Variants in RNF213 observed in about 807,000 individuals in gnomAD.
RNF213 encodes ring finger protein 213.
Under a neutral mutation model 514.4 loss-of-function variants are expected in RNF213, and 341 were observed. The observed-to-expected ratio is 0.66, with a 90% CI of 0.61 to 0.73. RNF213 has a LOEUF of 0.73. Ranked by LOEUF, RNF213 falls within the 30% of genes least tolerant of loss-of-function variation. The pLI, the probability that RNF213 is intolerant of heterozygous loss-of-function variation, is 0.00. For synonymous variants in RNF213, 2,655 were observed against 2,658.2 expected (o/e 1.00, Z 0.04); for missense variants, 5,767 against 6,615.6 (o/e 0.87, Z 4.45).
intron 36 of RNF213, among the ~76,000 whole-genome samples, chr17:80,356,956 G>A (rs62076528): frequency 0.49 from 72,473 of 147,214 alleles, 18,809 homozygotes; most frequent in Non-Finnish European, 0.59. Flanking sequence ...TCTCACTCTC[G>A]TCCCCCATGC....
Position 80,288,411 on chromosome 17 carries a change from C to G in RNF213, c.810+48C>G, listed in dbSNP as rs780664549. 1.6e-4 allele frequency: 259 copies of G among 1,604,606 alleles called. No homozygotes were observed. Among genetic ancestry groups the G allele is most frequent in the Non-Finnish European group, 2.0e-4 (238 of 1,176,264 alleles). On this transcript the variant is annotated intron_variant, in intron 4 of 67. Coordinates refer to ENST00000582970, the MANE Select transcript of RNF213 (RefSeq NM_001256071.3). This position sits in a 1 kb window ranked among gnomAD's most constrained non-coding sequence, Gnocchi z 4.9. ...CCTGGGAGTGGCACTGAGCCCTCGG[C>G]ACCTGGGCTCTGCTGCAAGGTGCTG...
At chr17:80,362,797 G>A (rs1016533108) in intron 39 of RNF213, among the ~76,000 whole-genome samples, 1 of 152,184 alleles carries the variant, frequency 6.6e-6, no homozygotes, top group African/African-American at 2.4e-5. Flanking sequence ...TACAGGATGG[G>A]CAAATTAAAG....
Position 80,371,884 on chromosome 17 carries a change from G to A in RNF213, c.12436G>A (p.Val4146Ile). The A allele has an allele frequency of 6.7e-7, 1 of 1,483,848 alleles. No individual in the cohort carries two copies. Among genetic ancestry groups the A allele is most frequent in the Non-Finnish European group, 9.4e-7 (1 of 1,061,536 alleles). 91.9% of individuals were successfully genotyped at this position (1,483,848 alleles called of 1,614,324 possible). Residue 4146 changes from valine (V) to isoleucine (I), a missense_variant, in exon 47 of 68, where the codon GTA (valine) becomes ATA (isoleucine). Val to Ile is a conservative substitution (Grantham distance 29). Coordinates refer to ENST00000582970, the MANE Select transcript of RNF213 (RefSeq NM_001256071.3). ...TTTCTCTTTCTGCAGCTTTCATGAT[G>A]TAAAAGATTATATTCAGGAATATTT... ...KLLLKYSFHDVKDYIQEYLTL... is the reference protein window; with the variant it reads ...KLLLKYSFHDIKDYIQEYLTL...
intron 37 of RNF213, 131 bp from the exon 38 acceptor site, chr17:80,359,930 G>A (rs534028828): frequency 1.6e-5 from 13 of 834,278 alleles, no homozygotes; most frequent in East Asian, 7.7e-5. Flanking sequence ...ACAGATCAGC[G>A]CCGTCTGCCT....
chr17:80,389,281 A>C lies in RNF213; in HGVS notation c.15109A>C (p.Thr5037Pro). The change falls in exon 65 of 68, where the codon ACA (threonine) becomes CCA (proline). Residue 5037 changes from threonine to proline, a missense_variant. Thr to Pro is a conservative substitution (Grantham distance 38). Coordinates refer to ENST00000582970, the MANE Select transcript of RNF213 (RefSeq NM_001256071.3). ...VVEVTLGFLS[T>P]AGGDPNMQLN... ...AGAAGTCACTCTGGGGTTTCTGAGC[A>C]CAGCTGGTGGGGATCCAAACATGCA... 6.2e-7 allele frequency: 1 copy of C among 1,614,230 alleles called. No homozygotes were observed. Among genetic ancestry groups the C allele is most frequent in the Non-Finnish European group, 8.5e-7 (1 of 1,180,038 alleles).
chr17:80,343,104 A>C lies in RNF213; in HGVS notation c.5990-28A>C. On this transcript the variant is annotated intron_variant, in intron 26 of 67. Coordinates refer to ENST00000582970, the MANE Select transcript of RNF213 (RefSeq NM_001256071.3). This position sits in a 1 kb window ranked among gnomAD's most constrained non-coding sequence, Gnocchi z 4.3. ...ATTACAGGTGTGAGCCACCACTCCC[A>C]GCCCTAATTTCTGTATTAATGTTAT... 6.3e-7 allele frequency: 1 copy of C among 1,595,012 alleles called. No individual in the cohort carries two copies. The highest frequency in any genetic ancestry group is 1.3e-5 in the African/African-American group (1 of 74,576).
chr17:80,280,661 C>T (rs928093429), intron 3 of RNF213, among the ~76,000 whole-genome samples: 1 of 152,064 alleles, frequency 6.6e-6, no homozygotes, highest in Non-Finnish European at 1.5e-5. Context: ...TGCTGTGTTA[C>T]CCACGCTGGT....
At chr17:80,375,607 G>C (rs2079720121) in intron 50 of RNF213, among the ~76,000 whole-genome samples, 153 bp from the exon 51 acceptor site, 1 of 152,084 alleles carries the variant, frequency 6.6e-6, no homozygotes, top group Non-Finnish European at 1.5e-5. Context: ...TCGGGAGGCT[G>C]AGTTAGAATC....
intron 11 of RNF213, among the ~76,000 whole-genome samples, chr17:80,299,549 T>G (rs1055767333): frequency 3.9e-5 from 6 of 151,936 alleles, no homozygotes; most frequent in Non-Finnish European, 8.8e-5. Flanking sequence ...TTTATTTATT[T>G]ATTTATTTAT....
At chr17:80,315,252 G>GTGGTGATGGTGGAGGT (rs1187514426) in intron 15 of RNF213, among the ~76,000 whole-genome samples, 1 of 32,818 alleles carries the variant, frequency 3.0e-5, no homozygotes. Context: ...GATGGTGGTG[G>GTGGTGATGGTGGAGGT]ACGTGATGGT....
chr17:80,391,571 C>T (rs926255612), intron 67 of RNF213, among the ~76,000 whole-genome samples: 3 of 151,950 alleles, frequency 2.0e-5, no homozygotes, highest in Non-Finnish European at 4.4e-5. Flanking sequence ...TTTTCTTTTG[C>T]GCTTTGTCTC....
In RNF213 at chr17:80,343,362, G is replaced by C; in HGVS notation, c.6183+37G>C. 6.4e-7 allele frequency: 1 copy of C among 1,562,934 alleles called. No individual in the cohort carries two copies. Reference sequence around the variant, plus strand: ...CCAGCGTCAGCCGATGGCCACATCAGTAAAGACGTGGTCCCCATGTCTCTG... The same window carrying C: ...CCAGCGTCAGCCGATGGCCACATCACTAAAGACGTGGTCCCCATGTCTCTG... On this transcript the variant is annotated intron_variant, in intron 27 of 67. Transcript: ENST00000582970. The surrounding 1 kb of genome is among the most constrained non-coding windows in gnomAD (Gnocchi z 4.3).
rs994938701 is a variant in RNF213, at chr17:80,323,841, G to GT, written c.3025-1189_3025-1188insT. ...TTTCTAAGTACTTTTTTTTGGGGGG[G>GT]GGTGCTATTGTAATTGGAATTGTTT... On this transcript the variant is annotated intron_variant, in intron 17 of 67. Coordinates refer to ENST00000582970, the MANE Select transcript of RNF213 (RefSeq NM_001256071.3). Among the ~76,000 whole-genome samples the GT allele has an allele frequency of 7.9e-4, 117 of 148,758 alleles. 2 individuals are homozygous for GT. The highest frequency in any genetic ancestry group is 2.8e-3 in the African/African-American group (114 of 40,028).
rs1353450124 is a variant in RNF213, at chr17:80,339,508, C to T, written c.5141C>T (p.Thr1714Ile). 1.2e-5 allele frequency: 18 copies of T among 1,537,118 alleles called. No homozygotes were observed. Among genetic ancestry groups the T allele is most frequent in the Non-Finnish European group, 1.6e-5 (18 of 1,146,916 alleles). ...YTAEQLVYLS[T>I]ELRKQPPSDA... ...GCAGAGCAGCTGGTTTACCTGAGCA[C>T]TGAGCTCAGGAAGCAGCCCCCGAGT... The change falls in exon 26 of 68, where the codon ACT (threonine) becomes ATT (isoleucine). Residue 1714 changes from threonine (T) to isoleucine (I), a missense_variant. By Grantham distance (89) the Thr-to-Ile change is moderately conservative (BLOSUM62 -1). Around this residue, in one of 13 missense-constraint regions of RNF213, gnomAD observed 1,377 missense variants for 1,635.2 expected, o/e 0.84. Coordinates refer to ENST00000582970, the MANE Select transcript of RNF213 (RefSeq NM_001256071.3).
chr17:80,360,382 C>T lies in RNF213; in HGVS notation c.11200+176C>T. ...ACGTCACCGCGTCATTTTAAAGTTT[C>T]TGCTGAAGGAGTGAGAGGCCCCGGC... is the stretch of plus-strand genomic sequence containing the variant. On this transcript the variant is annotated intron_variant, in intron 38 of 67. Transcript: ENST00000582970. The T allele has an allele frequency of 4.1e-6, 3 of 736,962 alleles. No homozygotes were observed. In the East Asian group the frequency reaches 8.2e-5, roughly 20 times the overall value. The allele number at this position is 736,962 out of a possible 1,614,324, so 45.7% of individuals were successfully genotyped here.
At position 80,340,398 on chromosome 17, in the gene RNF213, A is replaced by T. The variant is rs1164018202; in HGVS notation, c.5989+42A>T. The T allele has an allele frequency of 2.6e-6, 4 of 1,521,932 alleles. No homozygotes were observed. In the African/African-American group the frequency reaches 5.5e-5, roughly 21 times the overall value. The allele number at this position is 1,521,932 out of a possible 1,614,324, so 94.3% of individuals were successfully genotyped here. On this transcript the variant is annotated intron_variant, in intron 26 of 67. Coordinates refer to ENST00000582970, the MANE Select transcript of RNF213 (RefSeq NM_001256071.3). ...GGTGGGCAGGCCCCGTCTCCCAGGG[A>T]CTGCCCGGGGCCCTTCCCCCCTCCA...
intron 9 of RNF213, 59 bp downstream of exon 9, chr17:80,295,062 A>T (rs894040805): frequency 6.2e-7 from 1 of 1,600,550 alleles, no homozygotes; most frequent in Non-Finnish European, 8.6e-7. Context: ...CTGACCTGCT[A>T]GTGGCCGGAT....
rs547417713 is a variant in RNF213, at chr17:80,369,710, CT to C, written c.12325+41del. The C allele has an allele frequency of 1.0e-4, 168 of 1,613,968 alleles. 1 individual carries two copies. The African/African-American group carries it at 1.6e-3, about 15-fold the overall frequency. On this transcript the variant is annotated intron_variant, in intron 45 of 67. Transcript: ENST00000582970. ...TTCCTGTAAACCTAGCCCCTCATTT[CT>C]TCATCTCGCTTCTGCATGTCTCATG... is the stretch of plus-strand genomic sequence containing the variant.
intron 36 of RNF213, among the ~76,000 whole-genome samples, chr17:80,356,980 C>T (rs1296060230): frequency 2.7e-5 from 4 of 149,570 alleles, no homozygotes; most frequent in African/African-American, 7.4e-5. Context: ...AGTGCAATGG[C>T]GCGATTTTGG....
Sources: gnomAD v4.1 joint callset for allele counts (sites outside exome capture counted in the v4.1 genomes callset) on GRCh38, gnomAD v4.1.1 for gene constraint, gnomAD v4.1.1 regional missense constraint, Gnocchi (gnomAD v3.1) non-coding constraint, MANE v1.5 for transcripts, NCBI Gene and HGNC (gene_info 2026-07-23, HGNC 2026-07-21) for gene names.